Variants in STX8 observed in about 807,000 individuals in gnomAD.
STX8 encodes syntaxin-8.
STX8 carries 23 observed loss-of-function variants against 37.5 expected under a neutral mutation model. That is an observed-to-expected ratio of 0.61 (90% CI 0.44 to 0.87). The LOEUF (loss-of-function observed/expected upper bound fraction) is 0.87. STX8 is among the 40% of genes least tolerant of loss of function. The probability of loss-of-function intolerance (pLI) is 0.00; values close to 1 mark genes in which losing one functional copy is unlikely to be tolerated. For synonymous variants in STX8, 115 were observed against 99.1 expected (o/e 1.16, Z -0.95); for missense variants, 313 against 284.7 (o/e 1.10, Z -0.71).
At chr17:9,573,338 A>C (rs1473878453) in intron 1 of STX8, among the ~76,000 whole-genome samples, 3 of 152,146 alleles carry the variant, frequency 2.0e-5, no homozygotes, top group Non-Finnish European at 4.4e-5. Context: ...TTGCATAATA[A>C]AATCTTGGTC....
chr17:9,348,637 C>G (rs1384983564), intron 7 of STX8, among the ~76,000 whole-genome samples: 2 of 152,112 alleles, frequency 1.3e-5, no homozygotes, highest in Non-Finnish European at 1.5e-5. Flanking sequence ...TGCTGGGAAT[C>G]AGAATTGCAA....
intron 7 of STX8, among the ~76,000 whole-genome samples, chr17:9,342,922 G>A (rs2142234222): frequency 6.6e-6 from 1 of 151,414 alleles, no homozygotes; most frequent in African/African-American, 2.4e-5. Context: ...TTGGGAGGCT[G>A]AGGCAGGAGA....
intron 7 of STX8, among the ~76,000 whole-genome samples, chr17:9,323,403 T>G (rs954701099): frequency 3.3e-5 from 5 of 152,216 alleles, no homozygotes; most frequent in African/African-American, 1.2e-4. Context: ...GCTATGATTT[T>G]TAAATTAAAA....
intron 7 of STX8, among the ~76,000 whole-genome samples, chr17:9,300,106 C>T (rs370706752): frequency 3.7e-4 from 56 of 152,082 alleles, no homozygotes; most frequent in African/African-American, 3.6e-4. Context: ...CCGAGGCGGG[C>T]GGATCACCTG....
At chr17:9,558,939 G>A (rs944216534) in intron 2 of STX8, among the ~76,000 whole-genome samples, 3 of 151,992 alleles carry the variant, frequency 2.0e-5, no homozygotes, top group African/African-American at 4.8e-5. Flanking sequence ...GATGAAAGAC[G>A]GAGTATGTAG....
intron 6 of STX8, among the ~76,000 whole-genome samples, chr17:9,408,011 G>A (rs1391162196): frequency 2.0e-5 from 3 of 152,114 alleles, no homozygotes; most frequent in African/African-American, 7.2e-5. Context: ...TCAAAATATG[G>A]CAAAGAAACA....
intron 4 of STX8, among the ~76,000 whole-genome samples, chr17:9,518,250 C>A (rs1905214484): frequency 6.6e-6 from 1 of 152,128 alleles, no homozygotes; most frequent in African/African-American, 2.4e-5. Context: ...CGACCAAAAT[C>A]TTCTCACTCA....
intron 7 of STX8, among the ~76,000 whole-genome samples, chr17:9,350,696 C>A (rs1359580629): frequency 6.6e-6 from 1 of 152,120 alleles, no homozygotes; most frequent in African/African-American, 2.4e-5. Flanking sequence ...CCACACCTGG[C>A]TAATTTTTGT....
rs146157177 is a variant in STX8, at chr17:9,259,956, G to A, written c.644-9311C>T. Among the ~76,000 whole-genome samples, 194 of 152,216 alleles carry A rather than the reference G, an allele frequency of 1.3e-3. 2 individuals carry two copies. In the Middle Eastern group the frequency reaches 0.014, roughly 11 times the overall value. On this transcript the variant is annotated intron_variant, in intron 7 of 7. Transcript: ENST00000306357. ...ATAGTGTCCGGGCATGGTGGCTAAC[G>A]CCTGTAATCCCAGCACTTTGGGAGG...
intron 6 of STX8, among the ~76,000 whole-genome samples, chr17:9,392,485 T>C (rs966808311): frequency 6.6e-6 from 1 of 152,136 alleles, no homozygotes; most frequent in Non-Finnish European, 1.5e-5. Flanking sequence ...CATGCATCTG[T>C]AGTTTCAGCT....
chr17:9,556,128 G>C (rs891933058), intron 3 of STX8, among the ~76,000 whole-genome samples: 15 of 152,156 alleles, frequency 9.9e-5, no homozygotes, highest in African/African-American at 3.6e-4. Flanking sequence ...TGAATGTCTA[G>C]AAAACCATGC....
At chr17:9,277,727 T>C (rs904152016) in intron 7 of STX8, among the ~76,000 whole-genome samples, 2 of 152,052 alleles carry the variant, frequency 1.3e-5, no homozygotes, top group African/African-American at 4.8e-5. Context: ...TCTGTTGAGA[T>C]CTAAAAGTAA....
intron 7 of STX8, among the ~76,000 whole-genome samples, chr17:9,309,714 G>A (rs191564485): frequency 1.4e-4 from 22 of 152,170 alleles, no homozygotes; most frequent in Admixed American, 8.5e-4. Flanking sequence ...CATCATATAC[G>A]AAGCAAATTA....
intron 6 of STX8, among the ~76,000 whole-genome samples, chr17:9,411,578 A>G (rs956953536): frequency 6.6e-6 from 1 of 152,204 alleles, no homozygotes; most frequent in Admixed American, 6.5e-5. Context: ...GCTGTTTCCA[A>G]ATTGCACATC....
At chr17:9,419,952 CATTTGACTAAACTACTGTGGTTT>C (rs762651492) in intron 6 of STX8, among the ~76,000 whole-genome samples, 6 of 152,174 alleles carry the variant, frequency 3.9e-5, no homozygotes, top group Non-Finnish European at 7.3e-5. Flanking sequence ...CCTCATTGTT[CATTTGACTAAACTACTGTGGTTT>C]ATTGTGCAGT....
chr17:9,461,065 A>G (rs1340374136), intron 6 of STX8: 1 of 150,966 alleles, frequency 6.6e-6, no homozygotes, highest in African/African-American at 2.4e-5. Flanking sequence ...TAGCCTTTCC[A>G]CAGTATTCTT....
At chr17:9,309,729 A>AAAGGG (rs1479115600) in intron 7 of STX8, among the ~76,000 whole-genome samples, 1 of 152,198 alleles carries the variant, frequency 6.6e-6, no homozygotes, top group African/African-American at 2.4e-5. Context: ...AAATTAAAGG[A>AAAGGG]AAGGGAAGGG....
intron 5 of STX8, among the ~76,000 whole-genome samples, chr17:9,503,249 T>C (rs1904690915): frequency 6.6e-6 from 1 of 152,102 alleles, no homozygotes; most frequent in South Asian, 2.1e-4. Flanking sequence ...TTATATAAAA[T>C]TATAGAAAAT....
intron 6 of STX8, chr17:9,469,695 G>T (rs1239307833): frequency 6.6e-6 from 1 of 152,096 alleles, no homozygotes; most frequent in Non-Finnish European, 1.5e-5. Flanking sequence ...GCTACTCTTG[G>T]GCTCTTTGAT....
Sources: allele counts gnomAD v4.1 joint callset (sites outside exome capture counted in the v4.1 genomes callset), GRCh38; gene constraint gnomAD v4.1.1; transcripts MANE v1.5; gene names NCBI Gene and HGNC (gene_info 2026-07-23, HGNC 2026-07-21).